Variants in MFAP1 observed in about 807,000 individuals in gnomAD.
MFAP1 encodes the protein microfibrillar-associated protein 1.
A neutral mutation model predicts 62.2 loss-of-function variants in MFAP1; 18 were observed. That is an observed-to-expected ratio of 0.29 (90% CI 0.20 to 0.43). The LOEUF (loss-of-function observed/expected upper bound fraction) is 0.43. MFAP1 is among the 20% of genes least tolerant of loss of function. The pLI, the probability that MFAP1 is intolerant of heterozygous loss-of-function variation, is 1.00. For synonymous variants in MFAP1, 175 were observed against 180.4 expected (o/e 0.97, Z 0.24); for missense variants, 355 against 559.7 (o/e 0.63, Z 3.69).
chr15:43,814,335 C>T (rs544612923), intron 4 of MFAP1, among the ~76,000 whole-genome samples, 166 bp downstream of exon 4: 3 of 152,318 alleles, frequency 2.0e-5, no homozygotes, highest in South Asian at 2.1e-4. Context: ...TCTCTGCTAA[C>T]GCCAAGATAT....
chr15:43,811,307 C>G (rs1319901526), intron 6 of MFAP1, among the ~76,000 whole-genome samples: 1 of 149,550 alleles, frequency 6.7e-6, no homozygotes, highest in Non-Finnish European at 1.5e-5. Context: ...CCCAGCTACG[C>G]AGGAGGCTGA....
Position 43,823,604 on chromosome 15 carries a change from T to C in MFAP1, c.79+887A>G, listed in dbSNP as rs191309755. Among the ~76,000 whole-genome samples, 337 of 152,224 alleles carry C rather than the reference T, an allele frequency of 2.2e-3. 1 individual carries two copies. The highest frequency in any genetic ancestry group is 7.6e-3 in the African/African-American group (314 of 41,512). ...TGATCGCCAGGCTGTCTTGAACTCC[T>C]GACCTCAGGTGTTCAGCCCGCCTCA... On this transcript the variant is annotated intron_variant, in intron 1 of 8. Transcript: ENST00000267812.
In MFAP1 at chr15:43,804,928, A is replaced by C; in HGVS notation, c.*166T>G. 1 of 707,540 alleles carries C rather than the reference A, an allele frequency of 1.4e-6. No homozygotes were observed. Among genetic ancestry groups the C allele is most frequent in the South Asian group, 2.5e-5 (1 of 39,310 alleles). The allele number at this position is 707,540 out of a possible 1,614,324, so 43.8% of individuals were successfully genotyped here. The stretch of plus-strand genomic sequence containing the variant: ...CTGTGGGTTTCTCAGCATGAGTCCA[A>C]ACCTCACAAAGCACCTTCAAAGTCT... On this transcript the variant is annotated 3_prime_UTR_variant, in exon 9 of 9. Coordinates refer to ENST00000267812, the MANE Select transcript of MFAP1 (RefSeq NM_005926.3).
intron 7 of MFAP1, among the ~76,000 whole-genome samples, chr15:43,805,748 G>C (rs2087360234): frequency 6.6e-6 from 1 of 151,952 alleles, no homozygotes; most frequent in Non-Finnish European, 1.5e-5. Flanking sequence ...GAGTAGCTGA[G>C]GCTACAGGTG....
At chr15:43,823,756 A>G (rs564338742) in intron 1 of MFAP1, among the ~76,000 whole-genome samples, 2 of 152,182 alleles carry the variant, frequency 1.3e-5, no homozygotes, top group East Asian at 1.9e-4. Flanking sequence ...ATTTTATACA[A>G]TGGAATTCAT....
chr15:43,807,863 G>C, intron 7 of MFAP1, among the ~76,000 whole-genome samples: 1 of 152,088 alleles, frequency 6.6e-6, no homozygotes, highest in East Asian at 1.9e-4. Context: ...AACAACATTA[G>C]TAAGGCTGGA....
chr15:43,820,964 G>C (rs1376989466), intron 1 of MFAP1, among the ~76,000 whole-genome samples: 1 of 152,080 alleles, frequency 6.6e-6, no homozygotes, highest in Non-Finnish European at 1.5e-5. Flanking sequence ...GGTGTGCAGT[G>C]GCATGATCAC....
In MFAP1 at chr15:43,813,129, T is replaced by C; in HGVS notation, c.745A>G (p.Lys249Glu). Residue 249 changes from lysine to glutamate, a missense_variant, in exon 6 of 9, where the codon AAA (lysine) becomes GAA (glutamate). Transcript: ENST00000267812. ...YTLKIVEEET[K>E]KELEENKRSL... ...CGCTTGTTCTCTTCCAGCTCTTTTT[T>C]GGTTTCCTCTTCGACAATCTGGATA... 10 of 1,614,198 alleles carry C rather than the reference T, an allele frequency of 6.2e-6. No individual in the cohort carries two copies. The highest frequency in any genetic ancestry group is 8.5e-6 in the Non-Finnish European group (10 of 1,180,032).
intron 2 of MFAP1, among the ~76,000 whole-genome samples, chr15:43,815,384 C>T (rs1010844875): frequency 4.6e-5 from 7 of 151,932 alleles, no homozygotes; most frequent in African/African-American, 1.7e-4. Context: ...TACCATGTTG[C>T]CCAGGCTGGT....
Position 43,809,721 on chromosome 15 carries a change from T to C in MFAP1, c.1047+34A>G, listed in dbSNP as rs147531077. 4 of 1,602,470 alleles carry C rather than the reference T, an allele frequency of 2.5e-6. No homozygotes were observed. The African/African-American group carries it at 4.0e-5, about 16-fold the overall frequency. ...TTCAAAGTTTCTGAGTTATTCCTAC[T>C]GCCCAATTTTCTGACTCTCTTTTCA... On this transcript the variant is annotated intron_variant, in intron 7 of 8. Transcript: ENST00000267812.
Position 43,817,297 on chromosome 15 carries a change from C to G in MFAP1, c.231G>C (p.Glu77Asp). 6.2e-7 allele frequency: 1 copy of G among 1,614,140 alleles called. No individual in the cohort carries two copies. Among genetic ancestry groups the G allele is most frequent in the Non-Finnish European group, 8.5e-7 (1 of 1,180,028 alleles). ...KEQEAEPEEQ[E>D]EDSSSDPRLR... ...GCCGGGGGTCACTGGATGAATCCTCCTCCTGTTCCTCAGGCTCTGCTTCTT... is the reference window on the plus strand; with the variant it reads ...GCCGGGGGTCACTGGATGAATCCTCGTCCTGTTCCTCAGGCTCTGCTTCTT... Residue 77 changes from glutamate to aspartate, a missense_variant, in exon 2 of 9, where the codon GAG (glutamate) becomes GAC (aspartate). Glu to Asp is a conservative substitution (Grantham distance 45). This residue lies in a region of MFAP1 where 257 missense variants were observed against 341.3 expected (regional missense o/e 0.75). Coordinates refer to ENST00000267812, the MANE Select transcript of MFAP1 (RefSeq NM_005926.3).
chr15:43,819,807 T>A (rs28867508), intron 1 of MFAP1, among the ~76,000 whole-genome samples: 25,999 of 152,018 alleles, frequency 0.17, 3,089 homozygotes, highest in African/African-American at 0.33. Flanking sequence ...TGCTGGGATT[T>A]CAGGTGTGAG....
intron 2 of MFAP1, among the ~76,000 whole-genome samples, chr15:43,815,758 C>G (rs780198658): frequency 6.6e-6 from 1 of 151,888 alleles, no homozygotes; most frequent in Non-Finnish European, 1.5e-5. Flanking sequence ...CTCAGCCTCC[C>G]GAGTAGCTGG....
At chr15:43,818,690 C>G (rs1355717384) in intron 1 of MFAP1, among the ~76,000 whole-genome samples, 2 of 151,746 alleles carry the variant, frequency 1.3e-5, no homozygotes. Context: ...CCCAGGAGTT[C>G]GAGACCAGCC....
At chr15:43,815,133 T>G in intron 2 of MFAP1, 59 bp from the exon 3 acceptor site, 1 of 1,603,476 alleles carries the variant, frequency 6.2e-7, no homozygotes, top group South Asian at 1.1e-5. Flanking sequence ...TAGCATCAAC[T>G]GCATTTCCAT....
At chr15:43,807,371 TAC>T in intron 7 of MFAP1, among the ~76,000 whole-genome samples, 1 of 150,598 alleles carries the variant, frequency 6.6e-6, no homozygotes, top group Non-Finnish European at 1.5e-5. Flanking sequence ...TTTTTTTTGA[TAC>T]AGTCTCACTC....
In MFAP1 at chr15:43,817,302, G is replaced by C. The variant is rs1020600423; in HGVS notation, c.226C>G (p.Gln76Glu). Reference protein sequence around the residue: ...AKEQEAEPEEQEEDSSSDPRL... With the variant: ...AKEQEAEPEEEEEDSSSDPRL... ...GGGTCACTGGATGAATCCTCCTCCT[G>C]TTCCTCAGGCTCTGCTTCTTGTTCT... The change falls in exon 2 of 9, where the codon CAG becomes GAG. Residue 76 changes from glutamine to glutamate, a missense_variant. Physicochemically the swap from Gln to Glu is conservative, Grantham distance 29. Transcript: ENST00000267812. 1.9e-6 allele frequency: 3 copies of C among 1,613,948 alleles called. No homozygotes were observed. The highest frequency in any genetic ancestry group is 2.5e-6 in the Non-Finnish European group (3 of 1,180,038).
At chr15:43,806,026 C>CTGCTCACT (rs2087363181) in intron 7 of MFAP1, among the ~76,000 whole-genome samples, 1 of 149,522 alleles carries the variant, frequency 6.7e-6, no homozygotes. Context: ...GGGGTCACTA[C>CTGCTCACT]TGCTCACTGA....
intron 1 of MFAP1, among the ~76,000 whole-genome samples, chr15:43,822,888 G>A (rs1313936267): frequency 6.6e-6 from 1 of 151,828 alleles, no homozygotes; most frequent in Non-Finnish European, 1.5e-5. Flanking sequence ...CCCCAGGCTG[G>A]AGTGCAATGG....
Sources: allele counts gnomAD v4.1 joint callset (sites outside exome capture counted in the v4.1 genomes callset), GRCh38; gene constraint gnomAD v4.1.1; regional missense constraint gnomAD v4.1.1; transcripts MANE v1.5; gene names NCBI Gene and HGNC (gene_info 2026-07-23, HGNC 2026-07-21).